The following RPL28 variants were observed in gnomAD, a reference collection of about 807,000 sequenced individuals.
RPL28 encodes ribosomal protein L28.
A neutral mutation model predicts 12.5 loss-of-function variants in RPL28; 4 were observed. The ratio of observed to expected loss-of-function variants is 0.32; its 90% confidence interval spans 0.16 to 0.73. RPL28 has a LOEUF of 0.73. Among genes scored for constraint, RPL28 ranks in the 30% least tolerant of loss-of-function variants. The pLI, the probability that RPL28 is intolerant of heterozygous loss-of-function variation, is 0.66. For missense variants in RPL28, 214 were observed against 197.7 expected (o/e 1.08, Z -0.49); for synonymous variants, 91 against 72.5 (o/e 1.26, Z -1.30).
In RPL28 at chr19:55,390,283, C is replaced by CTTG. The variant is rs1461344698; in HGVS notation, c.*1951_*1952insTTG. 1.2e-6 allele frequency: 1 copy of CTTG among 868,602 alleles called. No individual in the cohort carries two copies. Among genetic ancestry groups the CTTG allele is most frequent in the African/African-American group, 1.8e-5 (1 of 54,678 alleles). The allele number at this position is 868,602 out of a possible 1,614,324, so 53.8% of individuals were successfully genotyped here. ...GCAATGGCGCGATCTTGGCTCACTG[C>CTTG]AGCCTCCACCTCCTGGGTTCAAGCG... On this transcript the variant is annotated 3_prime_UTR_variant, in exon 5 of 5. Transcript: ENST00000344063.
intron 4 of RPL28, 34 bp downstream of exon 4, chr19:55,388,082 A>T (rs1159504940): frequency 1.9e-6 from 3 of 1,610,892 alleles, no homozygotes; most frequent in Non-Finnish European, 2.5e-6. Flanking sequence ...GCTTGGGGAG[A>T]CTGGCCAGTG....
chr19:55,390,528 GTCCTTAACCACC>G lies in RPL28; in HGVS notation c.*2202_*2213del. The G allele has an allele frequency of 1.0e-5, 10 of 985,486 alleles. No homozygotes were observed. Among genetic ancestry groups the G allele is most frequent in the Non-Finnish European group, 1.2e-5 (10 of 829,992 alleles). The allele number at this position is 985,486 out of a possible 1,614,324, so 61.0% of individuals were successfully genotyped here. A position where few individuals can be genotyped will look rare whatever the true frequency, so the allele number is the denominator to read the frequency against. ...TGGCTGCTGCTGCTCAGAAGGCCTT[GTCCTTAACCACC>G]TCCTTGCCTGCCCTGGAGGCTTGTG... On this transcript the variant is annotated 3_prime_UTR_variant, in exon 5 of 5. Coordinates refer to ENST00000344063, the MANE Select transcript of RPL28 (RefSeq NM_000991.5).
chr19:55,386,959 G>T, intron 3 of RPL28: 1 of 1,453,014 alleles, frequency 6.9e-7, no homozygotes, highest in African/African-American at 1.4e-5. Flanking sequence ...TTAAGGCACG[G>T]GGTTGATGTT....
downstream of RPL28, among the ~76,000 whole-genome samples, chr19:55,396,593 C>G (rs1404726669): frequency 1.1e-5 from 1 of 92,412 alleles, no homozygotes; most frequent in Non-Finnish European, 2.2e-5. Flanking sequence ...CTCCCCTCCA[C>G]TCCCCTTGTT....
At position 55,387,215 on chromosome 19, in the gene RPL28, G is replaced by T. The variant is rs1049487019; in HGVS notation, c.205+522G>T. On this transcript the variant is annotated intron_variant, in intron 3 of 4. Transcript: ENST00000344063. ...TTGGGGATTCCCTGAATGTTCGTGTGAGTCGGGGGTCTCTAATGGAGGAGT... is the reference window on the plus strand; with the variant it reads ...TTGGGGATTCCCTGAATGTTCGTGTTAGTCGGGGGTCTCTAATGGAGGAGT... The T allele has an allele frequency of 3.4e-6, 5 of 1,449,398 alleles. No individual in the cohort carries two copies. The East Asian group carries it at 1.2e-4, about 36-fold the overall frequency. The allele number at this position is 1,449,398 out of a possible 1,614,324, so 89.8% of individuals were successfully genotyped here. A position where few individuals can be genotyped will look rare whatever the true frequency, so the allele number is the denominator to read the frequency against.
downstream of RPL28, among the ~76,000 whole-genome samples, chr19:55,392,809 G>A (rs914847669): frequency 6.6e-6 from 1 of 152,122 alleles, no homozygotes; most frequent in South Asian, 2.1e-4. Context: ...GATTACAGGC[G>A]TGAGCCACCG....
downstream of RPL28, among the ~76,000 whole-genome samples, chr19:55,392,384 C>T (rs981705404): frequency 1.3e-5 from 2 of 152,116 alleles, no homozygotes; most frequent in Admixed American, 1.3e-4. Flanking sequence ...GTGTGCAGCA[C>T]CACGCCTGGC....
rs2089993441 is a variant in RPL28 at position 55,391,881 on chromosome 19, A to G, written c.*3549A>G. 7.4e-7 allele frequency: 1 copy of G among 1,356,572 alleles called. No homozygotes were observed. The allele number at this position is 1,356,572 out of a possible 1,614,324, so 84.0% of individuals were successfully genotyped here. A position where few individuals can be genotyped will look rare whatever the true frequency, so the allele number is the denominator to read the frequency against. On this transcript the variant is annotated 3_prime_UTR_variant, in exon 5 of 5. Coordinates refer to ENST00000344063, the MANE Select transcript of RPL28 (RefSeq NM_000991.5). ...AGCACCTGGAAGACATGCCAGATCCATGTGCAGTAATGCCTGGTGGCTCCA... is the reference window on the plus strand; with the variant it reads ...AGCACCTGGAAGACATGCCAGATCCGTGTGCAGTAATGCCTGGTGGCTCCA...
chr19:55,398,547 A>G (rs1001394835), intron 4 of RPL28, among the ~76,000 whole-genome samples: 1 of 152,298 alleles, frequency 6.6e-6, no homozygotes, highest in South Asian at 2.1e-4. Context: ...GCATTTTTCC[A>G]GTTACTAATG....
chr19:55,388,177 G>T, intron 4 of RPL28, 66 bp from the exon 5 acceptor site: 1 of 1,532,268 alleles, frequency 6.5e-7, no homozygotes, highest in Non-Finnish European at 8.8e-7. Context: ...CCCACACCCA[G>T]CATTGGCCTA....
At chr19:55,392,388 G>A (rs556894823), downstream of RPL28, among the ~76,000 whole-genome samples, 3 of 152,170 alleles carry the variant, frequency 2.0e-5, no homozygotes, top group South Asian at 4.1e-4. Context: ...GCAGCACCAC[G>A]CCTGGCTAAT....
At position 55,402,935 on chromosome 19, in the gene RPL28, T is replaced by G; in HGVS notation, c.325-8T>G. On this transcript the variant is annotated splice_region_variant and splice_polypyrimidine_tract_variant and intron_variant, in intron 4 of 4. Coordinates refer to the RPL28 transcript ENST00000560055. ...ATTAGAAATTTGGTTAACTTTTTTT[T>G]TTTTCAGCTTGCGGGAAGGGTTGGG... 2.6e-6 allele frequency: 4 copies of G among 1,523,714 alleles called. No individual in the cohort carries two copies. The South Asian group carries it at 4.8e-5, about 18-fold the overall frequency. 94.4% of individuals were successfully genotyped at this position (1,523,714 alleles called of 1,614,324 possible).
intron 3 of RPL28, chr19:55,386,952 A>G: frequency 6.8e-7 from 1 of 1,460,972 alleles, no homozygotes. Flanking sequence ...TTGAGAGTTA[A>G]GGCACGGGGT....
intron 4 of RPL28, chr19:55,400,828 A>G (rs1051963246): frequency 6.5e-6 from 1 of 152,974 alleles, no homozygotes; most frequent in African/African-American, 2.4e-5. Context: ...TTTGCTGCCC[A>G]CAAGGGAAAA....
At chr19:55,387,874 T>C (rs2089948582) in intron 3 of RPL28, 56 bp from the exon 4 acceptor site, 1 of 1,511,916 alleles carries the variant, frequency 6.6e-7, no homozygotes, top group East Asian at 2.3e-5. Context: ...CTGCGAGGTG[T>C]GCTAAAGGTG....
downstream of RPL28, among the ~76,000 whole-genome samples, chr19:55,395,669 T>C (rs1054839371): frequency 4.0e-5 from 6 of 148,250 alleles, no homozygotes; most frequent in African/African-American, 1.2e-4. Flanking sequence ...GGTCTCAATC[T>C]CCTGACCTTG....
chr19:55,388,828 T>G lies in RPL28; in HGVS notation c.*496T>G. ...TCCAGGGAGTGGGTGCAGCCACATT[T>G]GGAGGGGATGGGCTTTACTTGATGC... is the stretch of plus-strand genomic sequence containing the variant. On this transcript the variant is annotated 3_prime_UTR_variant, in exon 5 of 5. Coordinates refer to ENST00000344063, the MANE Select transcript of RPL28 (RefSeq NM_000991.5). 1 of 987,636 alleles carries G rather than the reference T, an allele frequency of 1.0e-6. No homozygotes were observed. Among genetic ancestry groups the G allele is most frequent in the Non-Finnish European group, 1.2e-6 (1 of 831,478 alleles). The allele number at this position is 987,636 out of a possible 1,614,324, so 61.2% of individuals were successfully genotyped here.
chr19:55,401,403 T>C (rs775660863), intron 4 of RPL28: 17 of 1,472,048 alleles, frequency 1.2e-5, no homozygotes, highest in African/African-American at 8.4e-5. Flanking sequence ...ACAGGAGAGG[T>C]TGGGGTCACG....
chr19:55,399,960 C>T (rs943929108), intron 4 of RPL28: 3 of 152,150 alleles, frequency 2.0e-5, no homozygotes, highest in African/African-American at 4.8e-5. Context: ...TTCCTTCGCT[C>T]CCTGCACTGC....
Sources: gnomAD v4.1 joint callset for allele counts (sites outside exome capture counted in the v4.1 genomes callset) on GRCh38, gnomAD v4.1.1 for gene constraint, MANE v1.5 for transcripts, NCBI Gene and HGNC (gene_info 2026-07-23, HGNC 2026-07-21) for gene names.